The following BBOF1 variants were observed in gnomAD, a reference collection of about 807,000 sequenced individuals.
BBOF1 encodes basal body orientation factor 1.
Under a neutral mutation model 68.0 loss-of-function variants are expected in BBOF1, and 62 were observed. The observed-to-expected ratio is 0.91, with a 90% CI of 0.74 to 1.13. The LOEUF (loss-of-function observed/expected upper bound fraction) is 1.13. Among genes scored for constraint, BBOF1 ranks in the 50% most tolerant of loss-of-function variants. The pLI is 0.00. For missense variants in BBOF1, 534 were observed against 600.1 expected (o/e 0.89, Z 1.15); for synonymous variants, 208 against 198.8 (o/e 1.05, Z -0.39).
intron 10 of BBOF1, among the ~76,000 whole-genome samples, chr14:74,080,287 G>A (rs957464464): frequency 3.3e-5 from 5 of 151,384 alleles, no homozygotes; most frequent in Admixed American, 1.3e-4. Flanking sequence ...CATTATCCCA[G>A]TCTATACCAT....
At chr14:74,030,059 AT>A (rs1431905672) in intron 3 of BBOF1, among the ~76,000 whole-genome samples, 1 of 152,142 alleles carries the variant, frequency 6.6e-6, no homozygotes, top group Non-Finnish European at 1.5e-5. Context: ...TTTGGGGGGC[AT>A]TTTTCTCCCT....
intron 4 of BBOF1, among the ~76,000 whole-genome samples, chr14:74,039,997 C>CATAT (rs574603957): frequency 3.3e-5 from 5 of 151,230 alleles, no homozygotes; most frequent in Non-Finnish European, 7.4e-5. Flanking sequence ...TCTTCCAAAA[C>CATAT]ATATATATAT....
chr14:74,070,884 TC>T (rs1389266166), downstream of BBOF1: 1 of 353,348 alleles, frequency 2.8e-6, no homozygotes, highest in Non-Finnish European at 5.3e-6. Flanking sequence ...CTGCAAATTC[TC>T]TGAATTAAAT....
intron 1 of BBOF1, among the ~76,000 whole-genome samples, chr14:74,020,260 A>C (rs1466755856): frequency 6.6e-6 from 1 of 151,202 alleles, no homozygotes; most frequent in Admixed American, 6.6e-5. Context: ...TTTTGTTTTT[A>C]CATAACTGCA....
intron 2 of BBOF1, among the ~76,000 whole-genome samples, chr14:74,026,908 G>A (rs1259436061): frequency 6.7e-6 from 1 of 149,792 alleles, no homozygotes; most frequent in African/African-American, 2.5e-5. Flanking sequence ...CTCAGGGACA[G>A]AGTGAGACTC....
chr14:74,056,250 G>C (rs984398854), intron 9 of BBOF1, among the ~76,000 whole-genome samples: 1 of 147,938 alleles, frequency 6.8e-6, no homozygotes, highest in Non-Finnish European at 1.5e-5. Context: ...GCCCAGGCTG[G>C]AGTGCAGTGA....
At chr14:74,040,106 GC>G (rs1484438113) in intron 4 of BBOF1, among the ~76,000 whole-genome samples, 6 of 152,052 alleles carry the variant, frequency 3.9e-5, no homozygotes, top group Admixed American at 1.3e-4. Context: ...TCCCACCTCA[GC>G]CTTAGTTCTG....
downstream of BBOF1, among the ~76,000 whole-genome samples, chr14:74,070,056 G>A (rs1224121801): frequency 6.6e-6 from 1 of 151,692 alleles, no homozygotes. Context: ...GCCCAGGCTG[G>A]TCTCGAACTC....
At chr14:74,078,429 C>G (rs2060636744) in intron 10 of BBOF1, 2 of 298,606 alleles carry the variant, frequency 6.7e-6, no homozygotes, top group South Asian at 5.8e-5. Flanking sequence ...TCATAGCTCA[C>G]TGCAGCCTCC....
downstream of BBOF1, chr14:74,066,158 TA>T (rs200317769): frequency 9.4e-3 from 1,530 of 163,306 alleles, 30 homozygotes; most frequent in African/African-American, 0.034. Context: ...GCAGTAGCCA[TA>T]AGCTAGGCAG....
intron 12 of BBOF1, among the ~76,000 whole-genome samples, chr14:74,082,213 C>T (rs1278595921): frequency 1.3e-5 from 2 of 152,072 alleles, no homozygotes; most frequent in Non-Finnish European, 2.9e-5. Context: ...TCGAACATTC[C>T]TTTATCTCTG....
intron 2 of BBOF1, among the ~76,000 whole-genome samples, chr14:74,023,446 T>C (rs1160621441): frequency 6.6e-6 from 1 of 152,204 alleles, no homozygotes; most frequent in Non-Finnish European, 1.5e-5. Context: ...GTGATCTATA[T>C]ATTTTTTGAT....
chr14:74,030,835 T>G (rs568251659), intron 3 of BBOF1, among the ~76,000 whole-genome samples: 1 of 152,016 alleles, frequency 6.6e-6, no homozygotes, highest in East Asian at 1.9e-4. Context: ...ACCATTTTAT[T>G]TATTTTGTGT....
chr14:74,080,667 T>C (rs929566838), intron 10 of BBOF1, among the ~76,000 whole-genome samples: 11 of 152,144 alleles, frequency 7.2e-5, no homozygotes, highest in Non-Finnish European at 1.3e-4. Flanking sequence ...GGTTTTGAAC[T>C]CTTAGCCTCA....
At chr14:74,026,982 T>A (rs1040884422) in intron 2 of BBOF1, among the ~76,000 whole-genome samples, 3 of 147,820 alleles carry the variant, frequency 2.0e-5, no homozygotes, top group African/African-American at 7.5e-5. Context: ...ACCTAATAAA[T>A]AACAACAGTA....
intron 11 of BBOF1, chr14:74,060,370 A>G: frequency 2.6e-6 from 1 of 385,448 alleles, no homozygotes; most frequent in Non-Finnish European, 4.8e-6. Context: ...ATTTTTAGAA[A>G]TCAGGTTTAA....
At chr14:74,054,169 C>T (rs543802177) in intron 8 of BBOF1, among the ~76,000 whole-genome samples, 32 of 152,114 alleles carry the variant, frequency 2.1e-4, no homozygotes, top group African/African-American at 5.8e-4. Flanking sequence ...AACCACTGCG[C>T]GCAGCCTAAT....
chr14:74,071,495 C>T, intron 9 of BBOF1: 2 of 1,613,800 alleles, frequency 1.2e-6, no homozygotes, highest in Non-Finnish European at 1.7e-6. Context: ...TGCTCAACCA[C>T]CTCTGGAACA....
intron 3 of BBOF1, among the ~76,000 whole-genome samples, chr14:74,031,204 A>G (rs1238899098): frequency 6.6e-6 from 1 of 151,292 alleles, no homozygotes; most frequent in Non-Finnish European, 1.5e-5. Flanking sequence ...ACCTCAAACT[A>G]TTGGGTTCAA....
Sources: allele counts gnomAD v4.1 joint callset (sites outside exome capture counted in the v4.1 genomes callset), GRCh38; gene constraint gnomAD v4.1.1; transcripts MANE v1.5; gene names NCBI Gene and HGNC (gene_info 2026-07-23, HGNC 2026-07-21).